The following SUMF1 variants were observed in gnomAD, a reference collection of about 807,000 sequenced individuals.
SUMF1 encodes formylglycine-generating enzyme.
In SUMF1, 48 loss-of-function variants were observed where a neutral mutation model predicts 47.6. The ratio of observed to expected loss-of-function variants is 1.01; its 90% CI spans 0.80 to 1.28. SUMF1 has a LOEUF of 1.28. Among genes scored for constraint, SUMF1 ranks in the 50% most tolerant of loss-of-function variants. SUMF1 has a pLI of 0.00. For missense variants in SUMF1, 571 were observed against 485.4 expected, an observed-to-expected ratio of 1.18 and a Z score of -1.66; for synonymous variants, 230 against 192.1, an observed-to-expected ratio of 1.20 and a Z score of -1.63.
intron 8 of SUMF1, among the ~76,000 whole-genome samples, chr3:4,263,453 C>A (rs958763293): frequency 6.6e-6 from 1 of 152,110 alleles, no homozygotes; most frequent in African/African-American, 2.4e-5. Flanking sequence ...TATAAAGATT[C>A]CTTAGCCTAG....
At chr3:4,282,720 A>AC in intron 8 of SUMF1, among the ~76,000 whole-genome samples, 1 of 152,320 alleles carries the variant, frequency 6.6e-6, no homozygotes, top group East Asian at 1.9e-4. Context: ...TTTGAAACTT[A>AC]AAAGTCATAA....
downstream of SUMF1, among the ~76,000 whole-genome samples, chr3:4,356,846 G>A (rs1482222599): frequency 1.3e-5 from 2 of 152,210 alleles, no homozygotes; most frequent in Non-Finnish European, 2.9e-5. Context: ...CGAGAACAGA[G>A]CAGTGGCAGC....
chr3:4,182,977 C>G (rs1487764541), intron 8 of SUMF1, among the ~76,000 whole-genome samples: 1 of 152,200 alleles, frequency 6.6e-6, no homozygotes, highest in East Asian at 1.9e-4. Context: ...GACTCGGGGC[C>G]CCAGTAGACA....
At chr3:4,200,507 GAC>G (rs1419005441) in intron 8 of SUMF1, among the ~76,000 whole-genome samples, 1 of 152,012 alleles carries the variant, frequency 6.6e-6, no homozygotes, top group East Asian at 1.9e-4. Context: ...TGAACTATGG[GAC>G]TTGCACCAGC....
intron 8 of SUMF1, among the ~76,000 whole-genome samples, chr3:4,175,190 G>C (rs1694930653): frequency 6.6e-6 from 1 of 152,184 alleles, no homozygotes; most frequent in Non-Finnish European, 1.5e-5. Flanking sequence ...GTTTCTCCCA[G>C]CATGGCGTTT....
chr3:4,185,991 C>T (rs1695193378), intron 8 of SUMF1, among the ~76,000 whole-genome samples: 1 of 152,166 alleles, frequency 6.6e-6, no homozygotes, highest in South Asian at 2.1e-4. Context: ...CTCAAACTCA[C>T]TTTGACCTAA....
chr3:4,412,241 A>G (rs1180666532), intron 6 of SUMF1, among the ~76,000 whole-genome samples: 1 of 152,220 alleles, frequency 6.6e-6, no homozygotes, highest in Non-Finnish European at 1.5e-5. Context: ...TAGTTTAATG[A>G]GGGAGAAAAA....
intron 7 of SUMF1, among the ~76,000 whole-genome samples, chr3:4,389,479 T>C (rs1196845636): frequency 6.6e-6 from 1 of 152,214 alleles, no homozygotes. Context: ...CTTAGCTCCT[T>C]GAATCTGTGG....
chr3:4,413,516 A>G (rs1701611889), intron 6 of SUMF1, among the ~76,000 whole-genome samples: 1 of 152,114 alleles, frequency 6.6e-6, no homozygotes, highest in African/African-American at 2.4e-5. Context: ...TAAGGAAAAT[A>G]AAAATGTTAA....
chr3:4,235,850 C>T (rs1331506605), intron 8 of SUMF1, among the ~76,000 whole-genome samples: 1 of 152,068 alleles, frequency 6.6e-6, no homozygotes, highest in Non-Finnish European at 1.5e-5. Flanking sequence ...TCACTGCTTC[C>T]CTCCCCACCT....
At chr3:4,302,759 C>T (rs190252374) in intron 8 of SUMF1, among the ~76,000 whole-genome samples, 3 of 152,182 alleles carry the variant, frequency 2.0e-5, no homozygotes, top group East Asian at 3.9e-4. Flanking sequence ...AATGCTCCAC[C>T]GGATTCAGCA....
At chr3:4,420,749 C>A (rs991591119) in intron 3 of SUMF1, among the ~76,000 whole-genome samples, 1 of 151,950 alleles carries the variant, frequency 6.6e-6, no homozygotes, top group Non-Finnish European at 1.5e-5. Flanking sequence ...TAATCTCTAA[C>A]AAGTGAGACA....
At chr3:4,344,676 G>A (rs1699338305) in intron 8 of SUMF1, among the ~76,000 whole-genome samples, 1 of 152,142 alleles carries the variant, frequency 6.6e-6, no homozygotes, top group South Asian at 2.1e-4. Context: ...GAACTGAATG[G>A]AGGATCAGAC....
chr3:4,112,996 G>A lies in SUMF1; in HGVS notation c.1015-44251C>T, dbSNP rs367931318. ...AGGATGAGGTGTTCTGATCCCATAC[G>A]CACTTATTTCCTGGTCCTCATCACT... On this transcript the variant is annotated intron_variant and NMD_transcript_variant, in intron 8 of 12. Coordinates refer to the SUMF1 transcript ENST00000448413. 3.3e-5 allele frequency among the ~76,000 whole-genome samples: 5 copies of A among 152,142 alleles called. No individual in the cohort carries two copies. In the East Asian group the frequency reaches 5.8e-4, roughly 18 times the overall value.
intron 8 of SUMF1, among the ~76,000 whole-genome samples, chr3:4,199,396 G>C (rs748906286): frequency 2.6e-5 from 4 of 151,970 alleles, no homozygotes; most frequent in Non-Finnish European, 5.9e-5. Context: ...GGATATTTAC[G>C]TTGTCCAACT....
At chr3:4,392,837 T>C (rs1463868473) in intron 7 of SUMF1, among the ~76,000 whole-genome samples, 1 of 147,852 alleles carries the variant, frequency 6.8e-6, no homozygotes, top group Non-Finnish European at 1.5e-5. Context: ...TTCAGATTTT[T>C]TTTTTCAATT....
chr3:4,037,730 G>A (rs780327793), intron 9 of SUMF1, among the ~76,000 whole-genome samples: 1 of 152,080 alleles, frequency 6.6e-6, no homozygotes, highest in Non-Finnish European at 1.5e-5. Flanking sequence ...TAGACACTTG[G>A]GTCATTTGGG....
At chr3:4,137,193 T>C (rs754220867) in intron 8 of SUMF1, among the ~76,000 whole-genome samples, 2 of 152,058 alleles carry the variant, frequency 1.3e-5, no homozygotes, top group Non-Finnish European at 2.9e-5. Context: ...TGAGGCACTA[T>C]TCACAACAGC....
At chr3:4,291,432 A>T (rs777010158) in intron 8 of SUMF1, among the ~76,000 whole-genome samples, 1 of 152,034 alleles carries the variant, frequency 6.6e-6, no homozygotes, top group East Asian at 1.9e-4. Context: ...TACTCACTCT[A>T]AAGTGCCTTC....
Sources: allele counts gnomAD v4.1 joint callset (sites outside exome capture counted in the v4.1 genomes callset), GRCh38; gene constraint gnomAD v4.1.1; transcripts MANE v1.5; gene names NCBI Gene and HGNC (gene_info 2026-07-23, HGNC 2026-07-21).